ZNF530: variants seen among roughly 807,000 people sequenced by gnomAD.
The protein encoded by ZNF530 is zinc finger protein 530.
ZNF530 carries 5 observed loss-of-function variants against 2.8 expected under a neutral mutation model. That is an observed-to-expected ratio of 1.80 (90% CI 0.94 to 3.78). ZNF530 has a LOEUF of 3.78. Among genes scored for constraint, ZNF530 ranks in the 30% most tolerant of loss-of-function variants. The pLI, the probability that ZNF530 is intolerant of heterozygous loss-of-function variation, is 0.00. For missense variants in ZNF530, 619 were observed against 673.3 expected, an observed-to-expected ratio of 0.92 and a Z score of 0.89; for synonymous variants, 229 against 235.0, an observed-to-expected ratio of 0.97 and a Z score of 0.23.
At chr19:57,610,477 C>T (rs1481839892), downstream of ZNF530, among the ~76,000 whole-genome samples, 3 of 150,346 alleles carry the variant, frequency 2.0e-5, no homozygotes, top group Non-Finnish European at 3.0e-5. Flanking sequence ...ATGTGCAGTA[C>T]ATTGCATGTT....
rs766155808 is a variant in ZNF530, at chr19:57,606,179, A to G, written c.555A>G (p.Lys185=). 1.2e-6 allele frequency: 2 copies of G among 1,614,230 alleles called. No homozygotes were observed. Among genetic ancestry groups the G allele is most frequent in the South Asian group, 2.2e-5 (2 of 91,090 alleles). The change falls in exon 4 of 4, where the codon AAA becomes AAG. Residue 185 remains lysine, a synonymous_variant. Coordinates refer to ENST00000597700, the MANE Select transcript of ZNF530 (RefSeq NM_001321981.2). ...CTCTCAAATACACTGAATCCAGGAA[A>G]TCTTTTAGAGAGAAATCTGTATTCA... ...RKPLKYTESR[K]SFREKSVFIQ... is the part of the protein sequence containing the mutation.
Position 57,606,023 on chromosome 19 carries a change from AC to A in ZNF530, c.402del (p.Phe135SerfsTer21). On this transcript the variant is annotated frameshift_variant, in exon 4 of 4. Transcript: ENST00000597700. LOFTEE classifies it low-confidence loss of function (END_TRUNC). ...MNCRFHVSGK[P>X]FTFGEVGRDF... ...ACTGCAGGTTCCATGTGTCAGGAAAACCCTTCACGTTTGGGGAAGTCGGGAG... is the reference window on the plus strand; with the variant it reads ...ACTGCAGGTTCCATGTGTCAGGAAAACCTTCACGTTTGGGGAAGTCGGGAG... 1 of 1,613,814 alleles carries A rather than the reference AC, an allele frequency of 6.2e-7. No homozygotes were observed. The highest frequency in any genetic ancestry group is 8.5e-7 in the Non-Finnish European group (1 of 1,179,972).
rs1007747284 is a variant in ZNF530 at position 57,607,408 on chromosome 19, A to G, written c.*83A>G. 1 of 1,384,196 alleles carries G rather than the reference A, an allele frequency of 7.2e-7. No homozygotes were observed. Among genetic ancestry groups the G allele is most frequent in the Admixed American group, 2.3e-5 (1 of 42,910 alleles). 85.7% of individuals were successfully genotyped at this position (1,384,196 alleles called of 1,614,324 possible). On this transcript the variant is annotated 3_prime_UTR_variant, in exon 4 of 4. Transcript: ENST00000597700. The stretch of plus-strand genomic sequence containing the variant: ...CACCCAGGCTGGAGTGCAATTGTGC[A>G]ATCTCAGCTCACTGCAACCTCCGCC...
In ZNF530 at chr19:57,609,756, G is replaced by C. The variant is rs1451773750; in HGVS notation, c.*2431G>C. Among the ~76,000 whole-genome samples, 2 of 152,134 alleles carry C rather than the reference G, an allele frequency of 1.3e-5. 1 individual carries two copies. Among genetic ancestry groups the C allele is most frequent in the African/African-American group, 4.8e-5 (2 of 41,420 alleles). On this transcript the variant is annotated 3_prime_UTR_variant, in exon 4 of 4. Coordinates refer to ENST00000597700, the MANE Select transcript of ZNF530 (RefSeq NM_001321981.2). ...TACTAGAGACAACAAGGGTTTTGTG[G>C]ATTCCTGTAGCCTCTCTGGCCTGTT...
chr19:57,606,544 G>A lies in ZNF530; in HGVS notation c.920G>A (p.Arg307His), dbSNP rs758522483. The change falls in exon 4 of 4, where the codon CGT (arginine) becomes CAT (histidine). Residue 307 changes from arginine to histidine, a missense_variant. Arg to His is a conservative substitution (Grantham distance 29). Coordinates refer to ENST00000597700, the MANE Select transcript of ZNF530 (RefSeq NM_001321981.2). ...TTTAGCCACAGCACTAACCTCTATC[G>A]TCACAGGAGTGCCCACACTAGCACA... The part of the protein sequence containing the change: ...KSFSHSTNLY[R>H]HRSAHTSTRP... The A allele has an allele frequency of 3.2e-5, 51 of 1,612,876 alleles. No individual in the cohort carries two copies. Among genetic ancestry groups the A allele is most frequent in the South Asian group, 1.8e-4 (16 of 91,030 alleles).
chr19:57,600,451 G>T (rs946571618), intron 1 of ZNF530, among the ~76,000 whole-genome samples: 4 of 152,238 alleles, frequency 2.6e-5, no homozygotes, highest in East Asian at 3.9e-4. Flanking sequence ...GCCACAGCGC[G>T]TAGGACAGAA....
At position 57,609,254 on chromosome 19, in the gene ZNF530, C is replaced by T. The variant is rs1980759239; in HGVS notation, c.*1929C>T. On this transcript the variant is annotated 3_prime_UTR_variant, in exon 4 of 4. Transcript: ENST00000597700. ...GCTGACGCACCAAGAATAGCTTGAA[C>T]CCGGAAGTGGAGGTTGCAGTGAGCT... 6.6e-6 allele frequency among the ~76,000 whole-genome samples: 1 copy of T among 150,708 alleles called. No individual in the cohort carries two copies. The highest frequency in any genetic ancestry group is 1.5e-5 in the Non-Finnish European group (1 of 67,740).
chr19:57,611,123 C>T (rs1469513965), downstream of ZNF530, among the ~76,000 whole-genome samples: 1 of 152,168 alleles, frequency 6.6e-6, no homozygotes, highest in Non-Finnish European at 1.5e-5. Flanking sequence ...ACTAAATCAT[C>T]CCAGCGTTAC....
intron 2 of ZNF530, among the ~76,000 whole-genome samples, chr19:57,601,771 C>T (rs984988262): frequency 1.3e-5 from 2 of 152,102 alleles, no homozygotes; most frequent in African/African-American, 4.8e-5. Flanking sequence ...GTACAGGAAG[C>T]TTAGCGCTAG....
Position 57,609,257 on chromosome 19 carries a change from G to A in ZNF530, c.*1932G>A, listed in dbSNP as rs935000037. 1.3e-5 allele frequency among the ~76,000 whole-genome samples: 2 copies of A among 151,768 alleles called. No homozygotes were observed. Among genetic ancestry groups the A allele is most frequent in the African/African-American group, 2.4e-5 (1 of 41,292 alleles). ...GACGCACCAAGAATAGCTTGAACCC[G>A]GAAGTGGAGGTTGCAGTGAGCTGAG... On this transcript the variant is annotated 3_prime_UTR_variant, in exon 4 of 4. Coordinates refer to ENST00000597700, the MANE Select transcript of ZNF530 (RefSeq NM_001321981.2).
chr19:57,609,807 CAAA>C lies in ZNF530; in HGVS notation c.*2492_*2494del. On this transcript the variant is annotated 3_prime_UTR_variant, in exon 4 of 4. Transcript: ENST00000597700. The stretch of plus-strand genomic sequence containing the variant: ...TACTTCAAGGCCATTGCTGCACAGA[CAAA>C]AAAAAAAAAGGATGAAGTCAAGAGA... Among the ~76,000 whole-genome samples, 1 of 136,054 alleles carries C rather than the reference CAAA, an allele frequency of 7.4e-6. No homozygotes were observed. Among genetic ancestry groups the C allele is most frequent in the African/African-American group, 2.7e-5 (1 of 37,014 alleles). The allele number at this position is 136,054 out of a possible 152,430, so 89.3% of individuals were successfully genotyped here.
chr19:57,610,888 CT>C (rs550979696), downstream of ZNF530, among the ~76,000 whole-genome samples: 2 of 151,912 alleles, frequency 1.3e-5, no homozygotes, highest in African/African-American at 4.8e-5. Context: ...ATTCCTCAAC[CT>C]TTTTTTTCAA....
chr19:57,606,946 G>A lies in ZNF530; in HGVS notation c.1322G>A (p.Cys441Tyr), dbSNP rs1599936785. 2 of 1,611,384 alleles carry A rather than the reference G, an allele frequency of 1.2e-6. No individual in the cohort carries two copies. Among genetic ancestry groups the A allele is most frequent in the Non-Finnish European group, 1.7e-6 (2 of 1,179,182 alleles). ...AGTGAATGTGAAAAATCATTTAGTT[G>A]CAAAACTGACCTCATTCGACACCAG... Reference protein sequence around the residue: ...ECSECEKSFSCKTDLIRHQTV... With the variant: ...ECSECEKSFSYKTDLIRHQTV... Residue 441 changes from cysteine (C) to tyrosine (Y), a missense_variant, in exon 4 of 4, where the codon TGC becomes TAC. Physicochemically the swap from Cys to Tyr is radical, Grantham distance 194 (BLOSUM62 -2). Transcript: ENST00000597700.
intron 2 of ZNF530, among the ~76,000 whole-genome samples, chr19:57,603,619 A>G (rs760500053): frequency 9.8e-5 from 15 of 152,354 alleles, no homozygotes; most frequent in South Asian, 4.1e-4. Context: ...TGTTTAGTGC[A>G]GTACAAGTTG....
At position 57,605,984 on chromosome 19, in the gene ZNF530, C is replaced by G. The variant is rs1221682578; in HGVS notation, c.360C>G (p.Ala120=). ...EKLFKVDGDQ[A]SFMMNCRFHV... ...TCTTTAAAGTGGATGGGGACCAGGC[C>G]TCATTTATGATGAACTGCAGGTTCC... The change falls in exon 4 of 4, where the codon GCC becomes GCG. Residue 120 remains alanine, a synonymous_variant. Transcript: ENST00000597700. The G allele has an allele frequency of 2.5e-6, 4 of 1,614,176 alleles. No homozygotes were observed. Among genetic ancestry groups the G allele is most frequent in the African/African-American group, 1.3e-5 (1 of 75,034 alleles).
At chr19:57,604,519 C>T in intron 3 of ZNF530, 113 bp downstream of exon 3, 8 of 1,415,612 alleles carry the variant, frequency 5.7e-6, no homozygotes, top group Non-Finnish European at 7.7e-6. Flanking sequence ...GACCTTCCCA[C>T]TTTCTTGGCA....
In ZNF530 at chr19:57,607,516, T is replaced by C. The variant is rs1323050625; in HGVS notation, c.*191T>C. 5 of 606,504 alleles carry C rather than the reference T, an allele frequency of 8.2e-6. No individual in the cohort carries two copies. In the African/African-American group the frequency reaches 9.2e-5, roughly 11 times the overall value. 37.6% of individuals were successfully genotyped at this position (606,504 alleles called of 1,614,324 possible). A position where few individuals can be genotyped will look rare whatever the true frequency, so the allele number is the denominator to read the frequency against. On this transcript the variant is annotated 3_prime_UTR_variant, in exon 4 of 4. Transcript: ENST00000597700. ...CCCACCACCATGCCCAGCTAATTTT[T>C]GTATTTTTAATAGAAACAAGGTTTC...
intron 3 of ZNF530, chr19:57,605,485 C>A: frequency 1.8e-6 from 1 of 545,082 alleles, no homozygotes; most frequent in Non-Finnish European, 3.2e-6. Context: ...CCTGTTCTCT[C>A]TGAGTTGTGC....
chr19:57,603,065 A>G (rs541806581), intron 2 of ZNF530, among the ~76,000 whole-genome samples: 4 of 152,132 alleles, frequency 2.6e-5, no homozygotes, highest in African/African-American at 9.6e-5. Context: ...TAATTTTCGT[A>G]TTTTTAGTAG....
Sources: allele counts gnomAD v4.1 joint callset (sites outside exome capture counted in the v4.1 genomes callset), GRCh38; gene constraint gnomAD v4.1.1; transcripts MANE v1.5; gene names NCBI Gene and HGNC (gene_info 2026-07-23, HGNC 2026-07-21).